Variants in FERMT2 observed in about 807,000 individuals in gnomAD.
FERMT2 encodes the protein FERM domain containing kindlin 2, also known as fermitin family homolog 2.
FERMT2 carries 15 observed loss-of-function variants against 82.7 expected under a neutral mutation model. The ratio of observed to expected loss-of-function variants is 0.18; its 90% CI spans 0.12 to 0.28. The LOEUF (loss-of-function observed/expected upper bound fraction) is 0.28, where lower values mean the gene tolerates loss of function less well. Among genes scored for constraint, FERMT2 ranks in the 10% least tolerant of loss-of-function variants. The probability of loss-of-function intolerance (pLI) is 1.00; values close to 1 mark genes in which losing one functional copy is unlikely to be tolerated. For missense variants in FERMT2, 645 were observed against 809.4 expected, an observed-to-expected ratio of 0.80 and a Z score of 2.46; for synonymous variants, 274 against 271.5, an observed-to-expected ratio of 1.01 and a Z score of -0.09.
At chr14:52,940,998 A>G (rs1257849809) in intron 2 of FERMT2, among the ~76,000 whole-genome samples, 1 of 152,180 alleles carries the variant, frequency 6.6e-6, no homozygotes, top group Non-Finnish European at 1.5e-5. Context: ...TTACCCCAGA[A>G]AAATGAAAAT....
In FERMT2 at chr14:52,927,592, T is replaced by TAAAAAAAAA. The variant is rs71125150; in HGVS notation, c.158-8245_158-8237dup. Among the ~76,000 whole-genome samples, 107 of 33,726 alleles carry TAAAAAAAAA rather than the reference T, an allele frequency of 3.2e-3. 10 individuals are homozygous for TAAAAAAAAA. Among genetic ancestry groups the TAAAAAAAAA allele is most frequent in the African/African-American group, 6.5e-3 (51 of 7,852 alleles). The allele number at this position is 33,726 out of a possible 152,430, so 22.1% of individuals were successfully genotyped here. On this transcript the variant is annotated intron_variant, in intron 2 of 14. Coordinates refer to ENST00000341590, the MANE Select transcript of FERMT2 (RefSeq NM_006832.3). ...GCAACATAGCAAAACCTCATCCCTA[T>TAAAAAAAAA]AAAAAAAAAAAAAAAAAAAAAAAAA... is the stretch of plus-strand genomic sequence containing the variant.
At chr14:52,869,446 C>T (rs967715832) in intron 10 of FERMT2, among the ~76,000 whole-genome samples, 2 of 152,156 alleles carry the variant, frequency 1.3e-5, no homozygotes, top group African/African-American at 4.8e-5. Flanking sequence ...TACAGTCACG[C>T]ATTGCATAAC....
At chr14:52,891,682 AG>A (rs1886940954) in intron 4 of FERMT2, among the ~76,000 whole-genome samples, 1 of 152,216 alleles carries the variant, frequency 6.6e-6, no homozygotes, top group African/African-American at 2.4e-5. Context: ...TCATCATCTC[AG>A]AATTTAAAAA....
At chr14:52,859,368 C>T (rs1339384139) in intron 14 of FERMT2, 9 of 475,196 alleles carry the variant, frequency 1.9e-5, no homozygotes. Context: ...ACATTCTAAG[C>T]AAATTATGCA....
At chr14:52,859,751 T>C (rs775255559) in intron 13 of FERMT2, 37 bp from the exon 14 acceptor site, 4 of 1,349,162 alleles carry the variant, frequency 3.0e-6, no homozygotes, top group Non-Finnish European at 4.1e-6. Flanking sequence ...AAAAACATGT[T>C]GTGGGGGAAC....
At chr14:52,902,640 G>A (rs933129512) in intron 3 of FERMT2, among the ~76,000 whole-genome samples, 10 of 151,170 alleles carry the variant, frequency 6.6e-5, no homozygotes, top group Admixed American at 1.3e-4. Context: ...AGGCCGAGGC[G>A]GGTGGATTAC....
chr14:52,860,575 TG>T, intron 12 of FERMT2, 110 bp from the exon 13 acceptor site: 1 of 876,972 alleles, frequency 1.1e-6, no homozygotes, highest in Non-Finnish European at 1.7e-6. Flanking sequence ...AAAATCATAT[TG>T]TAAGAGTTGA....
chr14:52,893,561 T>C lies in FERMT2; in HGVS notation c.392-134A>G, dbSNP rs891480498. ...TGAGTTGTGTCAGACATTGATGTCA[T>C]GCAAAACACTGATTATGACACTTAA... On this transcript the variant is annotated intron_variant, in intron 3 of 14. Coordinates refer to ENST00000341590, the MANE Select transcript of FERMT2 (RefSeq NM_006832.3). 11 of 629,084 alleles carry C rather than the reference T, an allele frequency of 1.7e-5. No homozygotes were observed. The African/African-American group carries it at 1.9e-4, about 11-fold the overall frequency. The allele number at this position is 629,084 out of a possible 1,614,324, so 39.0% of individuals were successfully genotyped here.
chr14:52,895,463 G>A (rs986056463), intron 3 of FERMT2, among the ~76,000 whole-genome samples: 2 of 151,818 alleles, frequency 1.3e-5, no homozygotes, highest in African/African-American at 4.8e-5. Flanking sequence ...GCAAACCAAC[G>A]GTATACTACT....
At chr14:52,924,739 T>C (rs1396085249) in intron 2 of FERMT2, among the ~76,000 whole-genome samples, 2 of 152,132 alleles carry the variant, frequency 1.3e-5, no homozygotes, top group Admixed American at 6.5e-5. Context: ...TAGCGATCAA[T>C]AGATAGAATA....
At chr14:52,921,822 A>G (rs1031528858) in intron 2 of FERMT2, among the ~76,000 whole-genome samples, 2 of 152,220 alleles carry the variant, frequency 1.3e-5, no homozygotes. Context: ...CCGGTTAAGT[A>G]CAATACAAAT....
intron 3 of FERMT2, among the ~76,000 whole-genome samples, chr14:52,899,336 G>A (rs1336232563): frequency 2.0e-5 from 3 of 152,112 alleles, no homozygotes; most frequent in Non-Finnish European, 4.4e-5. Flanking sequence ...AGGCTGGAGT[G>A]CAGTGCCACA....
At chr14:52,872,646 GT>G (rs1291638121) in intron 10 of FERMT2, among the ~76,000 whole-genome samples, 152 bp downstream of exon 10, 1 of 152,208 alleles carries the variant, frequency 6.6e-6, no homozygotes, top group Non-Finnish European at 1.5e-5. Context: ...AAAGGACTAT[GT>G]AAAAGAGACA....
At chr14:52,936,322 GA>G (rs1190006078) in intron 2 of FERMT2, among the ~76,000 whole-genome samples, 2 of 152,102 alleles carry the variant, frequency 1.3e-5, no homozygotes, top group African/African-American at 4.8e-5. Flanking sequence ...ATGTATACTG[GA>G]AAAATTATTT....
At chr14:52,930,538 A>G (rs1262664528) in intron 2 of FERMT2, among the ~76,000 whole-genome samples, 1 of 152,194 alleles carries the variant, frequency 6.6e-6, no homozygotes, top group Non-Finnish European at 1.5e-5. Flanking sequence ...AAGAAAGGGA[A>G]TGCTGCTGCC....
Position 52,925,942 on chromosome 14 carries a change from C to T in FERMT2, c.158-6586G>A, listed in dbSNP as rs200685165. Among the ~76,000 whole-genome samples the T allele has an allele frequency of 4.6e-5, 7 of 152,176 alleles. No homozygotes were observed. In the East Asian group the frequency reaches 1.3e-3, roughly 29 times the overall value. ...TACAGGCATGAGCCACCGCGCCCGG[C>T]ACAGATGCGGTAACTCTTGAAAGCA... On this transcript the variant is annotated intron_variant, in intron 2 of 14. Coordinates refer to ENST00000341590, the MANE Select transcript of FERMT2 (RefSeq NM_006832.3).
At chr14:52,892,177 T>TTTTTTTTG (rs1566733647) in intron 4 of FERMT2, among the ~76,000 whole-genome samples, 1 of 148,090 alleles carries the variant, frequency 6.8e-6, no homozygotes, top group African/African-American at 2.6e-5. Context: ...TTTTTTTTTT[T>TTTTTTTTG]TTTTTTTTTT....
intron 2 of FERMT2, among the ~76,000 whole-genome samples, chr14:52,950,102 TTC>T (rs2139724375): frequency 6.6e-6 from 1 of 152,336 alleles, no homozygotes; most frequent in African/African-American, 2.4e-5. Flanking sequence ...TCTTTTATCG[TTC>T]TGTCAGTAAA....
chr14:52,911,648 C>T (rs2139613775), intron 3 of FERMT2, among the ~76,000 whole-genome samples: 1 of 148,308 alleles, frequency 6.7e-6, no homozygotes, highest in South Asian at 2.1e-4. Flanking sequence ...GAGATTCCAT[C>T]TCAAAATAAA....
Sources: allele counts gnomAD v4.1 joint callset (sites outside exome capture counted in the v4.1 genomes callset), GRCh38; gene constraint gnomAD v4.1.1; transcripts MANE v1.5; gene names NCBI Gene and HGNC (gene_info 2026-07-23, HGNC 2026-07-21).